ERG: variants seen among roughly 807,000 people sequenced by gnomAD.
The protein encoded by ERG is ETS transcription factor ERG, also known as transcriptional regulator ERG.
ERG carries 9 observed loss-of-function variants against 55.3 expected under a neutral mutation model. The observed-to-expected ratio is 0.16, with a 90% CI of 0.10 to 0.28. The LOEUF is 0.28. Ranked by LOEUF, ERG falls within the 10% of genes least tolerant of loss-of-function variation. The pLI is 1.00. For synonymous variants in ERG, 223 were observed against 237.3 expected (o/e 0.94, Z 0.55); for missense variants, 434 against 631.6 (o/e 0.69, Z 3.35).
intron 3 of ERG, among the ~76,000 whole-genome samples, chr21:38,410,356 C>T (rs961031632): frequency 6.6e-6 from 1 of 152,196 alleles, no homozygotes; most frequent in African/African-American, 2.4e-5. Flanking sequence ...TGTCATCATT[C>T]TACATGTCAT....
intron 1 of ERG, among the ~76,000 whole-genome samples, chr21:38,646,021 G>A (rs539967445): frequency 1.3e-5 from 2 of 152,166 alleles, no homozygotes; most frequent in Non-Finnish European, 2.9e-5. Context: ...GCTCACGCCT[G>A]TAATCCCAAC....
chr21:38,645,040 T>C (rs2146976205), intron 1 of ERG, among the ~76,000 whole-genome samples: 1 of 152,242 alleles, frequency 6.6e-6, no homozygotes, highest in African/African-American at 2.4e-5. Flanking sequence ...GCACTTGTAG[T>C]CCCAGCTACT....
chr21:38,536,548 C>T (rs181190561), intron 2 of ERG, among the ~76,000 whole-genome samples: 3 of 152,314 alleles, frequency 2.0e-5, no homozygotes, highest in Admixed American at 2.0e-4. Flanking sequence ...GTTTGCACAG[C>T]TGTATCCACC....
chr21:38,523,267 C>T (rs187508992), intron 2 of ERG, among the ~76,000 whole-genome samples: 39 of 152,226 alleles, frequency 2.6e-4, no homozygotes, highest in Non-Finnish European at 1.9e-4. Context: ...CCTGAGCTTT[C>T]GACTTTTTTA....
At chr21:38,402,528 C>A (rs1258643045) in intron 5 of ERG, 29 bp downstream of exon 5, 1 of 1,582,400 alleles carries the variant, frequency 6.3e-7, no homozygotes, top group South Asian at 1.1e-5. Context: ...TACGCTCTTG[C>A]TGGGAGGCAG....
chr21:38,470,335 C>T (rs1476143422), intron 1 of ERG, among the ~76,000 whole-genome samples: 1 of 151,996 alleles, frequency 6.6e-6, no homozygotes, highest in Admixed American at 6.5e-5. Flanking sequence ...TGACCTAACT[C>T]ATTTGGGGGA....
rs2146404389 is a variant in ERG at position 38,380,408 on chromosome 21, A to G, written c.*2995T>C. The G allele has an allele frequency of 9.4e-7, 1 of 1,062,672 alleles. No homozygotes were observed. Among genetic ancestry groups the G allele is most frequent in the Non-Finnish European group, 1.1e-6 (1 of 877,688 alleles). 65.8% of individuals were successfully genotyped at this position (1,062,672 alleles called of 1,614,324 possible). ...GGGACATAAGGGCATCAAACTAGGA[A>G]CAAAAACACAGTCTTGACTGTGATT... On this transcript the variant is annotated 3_prime_UTR_variant, in exon 10 of 10. Transcript: ENST00000288319.
Position 38,546,255 on chromosome 21 carries a change from C to A in ERG, c.-41+29407G>T, listed in dbSNP as rs148076733. The stretch of plus-strand genomic sequence containing the variant: ...TTTTTTCTATCTTCTTTTTTTACTT[C>A]TTTTTATCTTCCTCTACTCACACAG... On this transcript the variant is annotated intron_variant, in intron 2 of 8. Transcript: ENST00000398897. Among the ~76,000 whole-genome samples, 12 of 152,224 alleles carry A rather than the reference C, an allele frequency of 7.9e-5. No homozygotes were observed. In the East Asian group the frequency reaches 2.3e-3, roughly 29 times the overall value.
At chr21:38,585,775 C>A (rs181412549), upstream of ERG, among the ~76,000 whole-genome samples, 7 of 152,046 alleles carry the variant, frequency 4.6e-5, no homozygotes, top group Non-Finnish European at 8.8e-5. Context: ...GACATTCCCA[C>A]TCTACTTAGG....
Position 38,403,645 on chromosome 21 carries a change from G to T in ERG, c.453C>A (p.Gly151=). ...ATAACAAGATGTTGACGTCTGGAAG[G>T]CCATATTCTTTCACCGCCCACTCCA... ...QWLEWAVKEY[G]LPDVNILLFQ... is the part of the protein sequence containing the mutation. The change falls in exon 4 of 10, where the codon GGC becomes GGA. Residue 151 remains glycine (G), a synonymous_variant. Transcript: ENST00000288319. The T allele has an allele frequency of 3.7e-6, 6 of 1,614,134 alleles. No homozygotes were observed. The highest frequency in any genetic ancestry group is 5.1e-6 in the Non-Finnish European group (6 of 1,180,010).
chr21:38,522,391 C>T (rs148795868), intron 2 of ERG, among the ~76,000 whole-genome samples: 387 of 152,078 alleles, frequency 2.5e-3, no homozygotes, highest in African/African-American at 9.2e-3. Context: ...GATTTACTAA[C>T]ATTTGAAAAG....
intron 3 of ERG, among the ~76,000 whole-genome samples, chr21:38,412,536 C>A (rs1989106742): frequency 6.6e-6 from 1 of 152,120 alleles, no homozygotes; most frequent in African/African-American, 2.4e-5. Context: ...CTTTCTAGAT[C>A]TACCCTCACC....
intron 1 of ERG, among the ~76,000 whole-genome samples, chr21:38,622,584 C>T (rs2060298026): frequency 6.6e-6 from 1 of 150,624 alleles, no homozygotes; most frequent in East Asian, 2.0e-4. Flanking sequence ...ATATGTACCA[C>T]ACACACCACA....
At chr21:38,633,896 G>A (rs934061465) in intron 1 of ERG, among the ~76,000 whole-genome samples, 1 of 146,784 alleles carries the variant, frequency 6.8e-6, no homozygotes, top group African/African-American at 2.5e-5. Flanking sequence ...AAAAAATCAG[G>A]TTGTTTCCAA....
chr21:38,591,715 A>G (rs1271502934), intron 1 of ERG, among the ~76,000 whole-genome samples: 1 of 152,030 alleles, frequency 6.6e-6, no homozygotes, highest in Non-Finnish European at 1.5e-5. Flanking sequence ...CAAACAAACA[A>G]AACCAAAAAA....
chr21:38,592,391 G>C (rs1601288792), intron 1 of ERG, among the ~76,000 whole-genome samples: 1 of 152,188 alleles, frequency 6.6e-6, no homozygotes. Flanking sequence ...AGCCAGCATA[G>C]CCAGCTGCTC....
intron 1 of ERG, among the ~76,000 whole-genome samples, chr21:38,609,431 C>T (rs530332327): frequency 6.6e-6 from 1 of 151,646 alleles, no homozygotes; most frequent in African/African-American, 2.4e-5. Context: ...AATAACTCGA[C>T]ACTGGAAAAA....
At chr21:38,547,678 T>C (rs1430784728) in intron 2 of ERG, among the ~76,000 whole-genome samples, 3 of 152,200 alleles carry the variant, frequency 2.0e-5, no homozygotes, top group East Asian at 1.9e-4. Flanking sequence ...TTGATTTTCA[T>C]AGACAAAATA....
intron 6 of ERG, chr21:38,400,080 T>A: frequency 3.2e-6 from 1 of 312,162 alleles, no homozygotes. Context: ...TATTTTTGCA[T>A]GAATGGCATG....
Sources: gnomAD v4.1 joint callset for allele counts (sites outside exome capture counted in the v4.1 genomes callset) on GRCh38, gnomAD v4.1.1 for gene constraint, MANE v1.5 for transcripts, NCBI Gene and HGNC (gene_info 2026-07-23, HGNC 2026-07-21) for gene names.